Variants in TMEM178B observed in about 807,000 individuals in gnomAD.
TMEM178B encodes transmembrane protein 178B.
In TMEM178B, 5 loss-of-function variants were observed where a neutral mutation model predicts 31.0. That is an observed-to-expected ratio of 0.16 (90% CI 0.08 to 0.34). The LOEUF is 0.34. Ranked by LOEUF, TMEM178B falls within the 10% of genes least tolerant of loss-of-function variation. The probability of loss-of-function intolerance (pLI) is 1.00; values close to 1 mark genes in which losing one functional copy is unlikely to be tolerated. For synonymous variants in TMEM178B, 164 were observed against 164.0 expected, an observed-to-expected ratio of 1.00 and a Z score of 0.00; for missense variants, 275 against 400.3, an observed-to-expected ratio of 0.69 and a Z score of 2.67.
chr7:141,342,513 C>T (rs1799532638), intron 2 of TMEM178B, among the ~76,000 whole-genome samples: 1 of 152,232 alleles, frequency 6.6e-6, no homozygotes, highest in South Asian at 2.1e-4. Flanking sequence ...CAAGATCCAG[C>T]TCCTCCTTCC....
chr7:141,456,009 C>T (rs1042700228), intron 3 of TMEM178B, among the ~76,000 whole-genome samples: 4 of 152,228 alleles, frequency 2.6e-5, no homozygotes, highest in African/African-American at 9.6e-5. Context: ...ACTTAAACAG[C>T]TGGGGCCCAA....
intron 2 of TMEM178B, among the ~76,000 whole-genome samples, chr7:141,360,161 C>T (rs1189701890): frequency 1.3e-5 from 2 of 152,146 alleles, no homozygotes; most frequent in African/African-American, 2.4e-5. Context: ...TAGCTTTGTG[C>T]CATGCTTTAC....
rs1794569740 is a variant in TMEM178B, at chr7:141,074,747, C to T, written c.382+55C>T. Reference sequence around the variant, plus strand: ...CGGAGAGCCCGGCGCCTTTAGGCCCCGCAGCCCCTCGCGTCTCCTTCCCAG... The same window carrying T: ...CGGAGAGCCCGGCGCCTTTAGGCCCTGCAGCCCCTCGCGTCTCCTTCCCAG... On this transcript the variant is annotated intron_variant, in intron 1 of 3. Coordinates refer to ENST00000565468, the MANE Select transcript of TMEM178B (RefSeq NM_001195278.2). The surrounding 1 kb of genome is among the most constrained non-coding windows in gnomAD (Gnocchi z 5.1). 4.9e-6 allele frequency: 7 copies of T among 1,436,806 alleles called. No homozygotes were observed. The highest frequency in any genetic ancestry group is 2.9e-5 in the African/African-American group (2 of 69,658). 89.0% of individuals were successfully genotyped at this position (1,436,806 alleles called of 1,614,324 possible). A position where few individuals can be genotyped will look rare whatever the true frequency, so the allele number is the denominator to read the frequency against.
At chr7:141,381,914 A>G (rs984934419) in intron 2 of TMEM178B, among the ~76,000 whole-genome samples, 2 of 152,192 alleles carry the variant, frequency 1.3e-5, no homozygotes, top group African/African-American at 4.8e-5. Flanking sequence ...CCAGATTTCA[A>G]TCTCAACCCT....
At chr7:141,189,568 C>T (rs1796664972) in intron 1 of TMEM178B, among the ~76,000 whole-genome samples, 2 of 152,220 alleles carry the variant, frequency 1.3e-5, no homozygotes, top group African/African-American at 4.8e-5. Flanking sequence ...GCGGTCATCA[C>T]AGTCAGGCCC....
intron 2 of TMEM178B, among the ~76,000 whole-genome samples, chr7:141,391,688 A>ATT (rs1214859234): frequency 6.6e-6 from 1 of 150,914 alleles, no homozygotes; most frequent in African/African-American, 2.4e-5. Flanking sequence ...GAATTCCCCC[A>ATT]TTCTCCCCTC....
rs1021886023 is a variant in TMEM178B at position 141,215,316 on chromosome 7, T to TTTA, written c.496+2633_496+2635dup. Among the ~76,000 whole-genome samples, 86 of 144,208 alleles carry TTTA rather than the reference T, an allele frequency of 6.0e-4. 1 individual carries two copies. The highest frequency in any genetic ancestry group is 3.6e-3 in the Middle Eastern group (1 of 274). 94.6% of individuals were successfully genotyped at this position (144,208 alleles called of 152,430 possible). On this transcript the variant is annotated intron_variant, in intron 2 of 3. Coordinates refer to ENST00000565468, the MANE Select transcript of TMEM178B (RefSeq NM_001195278.2). ...TTTTCATTCTAGATTGGTTATCATC[T>TTTA]TTATTATTATTATTATTATTATTTT... is the stretch of plus-strand genomic sequence containing the variant.
chr7:141,120,534 T>A (rs751969030), intron 1 of TMEM178B, among the ~76,000 whole-genome samples: 1 of 152,206 alleles, frequency 6.6e-6, no homozygotes, highest in Non-Finnish European at 1.5e-5. Flanking sequence ...AAACTGCTAA[T>A]AAAATACAAC....
In TMEM178B at chr7:141,074,340, T is replaced by C. The variant is rs1481099759; in HGVS notation, c.30T>C (p.Thr10=). Residue 10 remains threonine, a synonymous_variant, in exon 1 of 4, where the codon ACT becomes ACC. Coordinates refer to ENST00000565468, the MANE Select transcript of TMEM178B (RefSeq NM_001195278.2). The surrounding 1 kb of genome is among the most constrained non-coding windows in gnomAD (Gnocchi z 5.1). MAAGRLLLY[T]GLSLALCALG... ...CTGCCGGAAGGTTACTGCTCTACAC[T>C]GGCCTCTCGCTAGCGCTCTGCGCCC... The C allele has an allele frequency of 7.2e-6, 11 of 1,535,774 alleles. No homozygotes were observed. The highest frequency in any genetic ancestry group is 5.9e-5 in the Admixed American group (3 of 50,984).
intron 1 of TMEM178B, among the ~76,000 whole-genome samples, chr7:141,136,182 A>G (rs1795672894): frequency 6.6e-6 from 1 of 152,216 alleles, no homozygotes; most frequent in Non-Finnish European, 1.5e-5. Flanking sequence ...AAACAGACAT[A>G]TAGACCAATG....
chr7:141,508,708 G>A, the TMEM178B span, among the ~76,000 whole-genome samples: 68 of 152,224 alleles, frequency 4.5e-4, no homozygotes, highest in African/African-American at 1.6e-3. Flanking sequence ...AAGCAAAAGT[G>A]GAAACCCCTG....
chr7:141,167,110 A>T (rs1335658737), intron 1 of TMEM178B, among the ~76,000 whole-genome samples: 3 of 152,216 alleles, frequency 2.0e-5, no homozygotes, highest in Non-Finnish European at 4.4e-5. Context: ...CATCTTTAAA[A>T]TGAGGGTGTT....
chr7:141,423,836 T>G (rs1302625033), intron 2 of TMEM178B, among the ~76,000 whole-genome samples: 1 of 129,694 alleles, frequency 7.7e-6, no homozygotes, highest in Non-Finnish European at 1.6e-5. Context: ...TGAAATGGAG[T>G]CTTGCTCTGT....
intron 1 of TMEM178B, among the ~76,000 whole-genome samples, chr7:141,186,729 T>C (rs921699721): frequency 2.0e-5 from 3 of 152,122 alleles, no homozygotes; most frequent in African/African-American, 7.2e-5. Context: ...CTGTGAAAAC[T>C]GTTATGTGAG....
chr7:141,374,939 G>A (rs1174869158), intron 2 of TMEM178B, among the ~76,000 whole-genome samples: 1 of 152,140 alleles, frequency 6.6e-6, no homozygotes. Context: ...ATCCTCTTCA[G>A]TATTCATTTT....
intron 2 of TMEM178B, among the ~76,000 whole-genome samples, chr7:141,309,197 A>G (rs1321900193): frequency 6.6e-6 from 1 of 152,238 alleles, no homozygotes; most frequent in African/African-American, 2.4e-5. Flanking sequence ...CACAACCAAC[A>G]GGTATCCACT....
intron 1 of TMEM178B, among the ~76,000 whole-genome samples, chr7:141,178,672 T>G (rs978382002): frequency 1.3e-5 from 2 of 152,206 alleles, no homozygotes; most frequent in African/African-American, 4.8e-5. Flanking sequence ...TGTAATGCAA[T>G]TATGTGCTCC....
At chr7:141,405,573 A>T (rs1027484796) in intron 2 of TMEM178B, among the ~76,000 whole-genome samples, 1 of 152,226 alleles carries the variant, frequency 6.6e-6, no homozygotes, top group Non-Finnish European at 1.5e-5. Context: ...GTGAGGATTA[A>T]TTATGTGGTG....
chr7:141,186,402 G>T (rs1325839009), intron 1 of TMEM178B, among the ~76,000 whole-genome samples: 1 of 152,170 alleles, frequency 6.6e-6, no homozygotes, highest in Non-Finnish European at 1.5e-5. Context: ...GGTGTAAACT[G>T]CAGCAGCCCC....
Sources: gnomAD v4.1 joint callset for allele counts (sites outside exome capture counted in the v4.1 genomes callset) on GRCh38, gnomAD v4.1.1 for gene constraint, Gnocchi (gnomAD v3.1) non-coding constraint, MANE v1.5 for transcripts, NCBI Gene and HGNC (gene_info 2026-07-23, HGNC 2026-07-21) for gene names.